The following SND1 variants were observed in gnomAD, a reference collection of about 807,000 sequenced individuals.
SND1 encodes staphylococcal nuclease domain-containing protein 1.
SND1 carries 38 observed loss-of-function variants against 121.7 expected under a neutral mutation model. The observed-to-expected ratio is 0.31, with a 90% CI of 0.24 to 0.41. The LOEUF is 0.41. Among genes scored for constraint, SND1 ranks in the 10% least tolerant of loss-of-function variants. SND1 has a pLI of 1.00. For synonymous variants in SND1, 401 were observed against 447.4 expected (o/e 0.90, Z 1.31); for missense variants, 868 against 1,184.6 (o/e 0.73, Z 3.92).
rs1186655293 is a variant in SND1 at position 127,929,268 on chromosome 7, T to G, written c.1608T>G (p.Ser536Arg). Residue 536 changes from serine to arginine, a missense_variant, in exon 15 of 24, where the codon AGT (serine) becomes AGG (arginine). Physicochemically the swap from Ser to Arg is moderately radical, Grantham distance 110 (BLOSUM62 -1). This residue lies in a region of SND1 where 743 missense variants were observed against 1,071.3 expected (regional missense o/e 0.69). Coordinates refer to ENST00000354725, the MANE Select transcript of SND1 (RefSeq NM_014390.4). ...AAGCTGTGGTGGAATACGTCTTCAG[T>G]GGTTCTCGTCTCAAACTCTATTTGC... ...RSEAVVEYVF[S>R]GSRLKLYLPK... The G allele has an allele frequency of 6.2e-7, 1 of 1,614,074 alleles. No homozygotes were observed. Among genetic ancestry groups the G allele is most frequent in the Admixed American group, 1.7e-5 (1 of 60,012 alleles).
At position 127,874,554 on chromosome 7, in the gene SND1, A is replaced by G. The variant is rs143173806; in HGVS notation, c.1344-13348A>G. Among the ~76,000 whole-genome samples the G allele has an allele frequency of 6.6e-5, 10 of 152,136 alleles. No individual in the cohort carries two copies. In the East Asian group the frequency reaches 1.7e-3, roughly 27 times the overall value. On this transcript the variant is annotated intron_variant, in intron 12 of 23. Coordinates refer to ENST00000354725, the MANE Select transcript of SND1 (RefSeq NM_014390.4). ...AGAGAAGCTGAGGGTGTTTTTTGAT[A>G]CTTCTATTCACACTCCCCATACTGA...
chr7:128,084,595 C>A, intron 18 of SND1, 129 bp from the exon 19 acceptor site: 2 of 969,522 alleles, frequency 2.1e-6, no homozygotes, highest in African/African-American at 1.7e-5. Context: ...GGGTTGGGGA[C>A]AGAGCCAGTG....
At position 127,994,549 on chromosome 7, in the gene SND1, C is replaced by CAAAAAAAAA. The variant is rs563548702; in HGVS notation, c.1779+3521_1779+3529dup. The stretch of plus-strand genomic sequence containing the variant: ...CTCTCAAATGACGATCACTTTTACT[C>CAAAAAAAAA]AAAAAAAAAAAAAAAAAAAAAAAAA... On this transcript the variant is annotated intron_variant, in intron 16 of 23. Transcript: ENST00000354725. Among the ~76,000 whole-genome samples, 19 of 46,236 alleles carry CAAAAAAAAA rather than the reference C, an allele frequency of 4.1e-4. 1 individual carries two copies. Among genetic ancestry groups the CAAAAAAAAA allele is most frequent in the Non-Finnish European group, 6.4e-4 (17 of 26,584 alleles). 30.3% of individuals were successfully genotyped at this position (46,236 alleles called of 152,430 possible).
At chr7:128,000,693 G>A (rs1217463426) in intron 16 of SND1, among the ~76,000 whole-genome samples, 1 of 152,080 alleles carries the variant, frequency 6.6e-6, no homozygotes, top group Non-Finnish European at 1.5e-5. Flanking sequence ...TGGTATGTTT[G>A]GAGTGTCTTC....
intron 16 of SND1, among the ~76,000 whole-genome samples, chr7:128,038,732 A>G (rs1282564658): frequency 2.0e-5 from 3 of 152,124 alleles, no homozygotes; most frequent in African/African-American, 7.2e-5. Flanking sequence ...CAGGTCAAAA[A>G]TAGTACTGAG....
At chr7:127,725,750 A>C (rs1260660235) in intron 10 of SND1, among the ~76,000 whole-genome samples, 1 of 152,150 alleles carries the variant, frequency 6.6e-6, no homozygotes, top group Non-Finnish European at 1.5e-5. Context: ...TTCCAAACCA[A>C]AGAACAAAGC....
chr7:127,977,404 G>T (rs1214080478), intron 15 of SND1, among the ~76,000 whole-genome samples: 1 of 152,154 alleles, frequency 6.6e-6, no homozygotes, highest in African/African-American at 2.4e-5. Flanking sequence ...GGTGTCAAAT[G>T]GGTAATGCAT....
intron 10 of SND1, among the ~76,000 whole-genome samples, chr7:127,796,423 C>A (rs1442894759): frequency 6.6e-6 from 1 of 152,010 alleles, no homozygotes; most frequent in Non-Finnish European, 1.5e-5. Flanking sequence ...CCATTATATT[C>A]CCTCAGTATT....
intron 1 of SND1, among the ~76,000 whole-genome samples, chr7:127,658,786 G>C (rs528969304): frequency 6.6e-6 from 1 of 152,370 alleles, no homozygotes; most frequent in South Asian, 2.1e-4. Context: ...CTATGCCCCA[G>C]TTTATTTGGA....
chr7:127,923,089 A>T (rs1456653598), intron 14 of SND1, among the ~76,000 whole-genome samples: 1 of 152,142 alleles, frequency 6.6e-6, no homozygotes, highest in Non-Finnish European at 1.5e-5. Context: ...CCTGGGCTGA[A>T]GCAATCCTCT....
intron 10 of SND1, among the ~76,000 whole-genome samples, chr7:127,797,548 T>G (rs1798049793): frequency 6.6e-6 from 1 of 152,170 alleles, no homozygotes; most frequent in Non-Finnish European, 1.5e-5. Context: ...TCAGAGCACT[T>G]CGGGGGTGGG....
chr7:128,021,513 G>C (rs540214174), intron 16 of SND1, among the ~76,000 whole-genome samples: 44 of 152,238 alleles, frequency 2.9e-4, no homozygotes, highest in Non-Finnish European at 5.7e-4. Flanking sequence ...CCAGGGTCTT[G>C]AAGACTGGGA....
chr7:127,994,681 T>C (rs571026329), intron 16 of SND1, among the ~76,000 whole-genome samples: 17 of 151,672 alleles, frequency 1.1e-4, no homozygotes, highest in African/African-American at 3.9e-4. Flanking sequence ...TAAAGTTTCA[T>C]TGAAACACAG....
In SND1 at chr7:127,703,193, G is replaced by T; in HGVS notation, c.710G>T (p.Gly237Val). ...CCAACTTTTCGACGGGAAGCAGATG[G>T]CAGTGAAACTCCAGAGCCTTTTGCT... Reference protein sequence around the residue: ...KCPTFRREADGSETPEPFAAE... With the variant: ...KCPTFRREADVSETPEPFAAE... The change falls in exon 7 of 24, where the codon GGC becomes GTC. Residue 237 changes from glycine (G) to valine (V), a missense_variant. By Grantham distance (109) the Gly-to-Val change is moderately radical. This residue lies in a region of SND1 where 743 missense variants were observed against 1,071.3 expected (regional missense o/e 0.69). Transcript: ENST00000354725. The T allele has an allele frequency of 1.2e-6, 2 of 1,614,116 alleles. No individual in the cohort carries two copies. The highest frequency in any genetic ancestry group is 1.7e-6 in the Non-Finnish European group (2 of 1,179,992).
intron 12 of SND1, among the ~76,000 whole-genome samples, chr7:127,873,054 T>A (rs1311738141): frequency 6.6e-6 from 1 of 152,190 alleles, no homozygotes; most frequent in Non-Finnish European, 1.5e-5. Flanking sequence ...ACTCATCTCT[T>A]ATATATTCCA....
intron 15 of SND1, among the ~76,000 whole-genome samples, chr7:127,980,646 C>T (rs1466922220): frequency 6.6e-6 from 1 of 152,106 alleles, no homozygotes; most frequent in Admixed American, 6.5e-5. Flanking sequence ...TGAGTGAAAG[C>T]TCAAAAAAGG....
chr7:127,784,365 G>A (rs1797775333), intron 10 of SND1, among the ~76,000 whole-genome samples: 2 of 152,148 alleles, frequency 1.3e-5, no homozygotes, highest in Admixed American at 6.5e-5. Context: ...ACCTCCTCCT[G>A]TTGTATTCCT....
Position 127,708,417 on chromosome 7 carries a change from G to GCCTTCCTCCCTC in SND1, c.1038+781_1038+782insCCCTTCCTCCCT, listed in dbSNP as rs1360099820. 5.2e-4 allele frequency among the ~76,000 whole-genome samples: 14 copies of GCCTTCCTCCCTC among 26,798 alleles called. No individual in the cohort carries two copies. In the East Asian group the frequency reaches 0.014, roughly 26 times the overall value. The allele number at this position is 26,798 out of a possible 152,430, so 17.6% of individuals were successfully genotyped here. ...TCCCTTCCTCCCTTCCTCCCTTCCT[G>GCCTTCCTCCCTC]CCTTCCTCCCTTCCTCCCTTCCTTC... On this transcript the variant is annotated intron_variant, in intron 9 of 23. Transcript: ENST00000354725.
intron 16 of SND1, among the ~76,000 whole-genome samples, chr7:128,043,695 T>A (rs966744828): frequency 6.6e-6 from 1 of 151,608 alleles, no homozygotes; most frequent in Non-Finnish European, 1.5e-5. Flanking sequence ...TAAAGAATGT[T>A]ACCTTGCAGC....
Sources: allele counts gnomAD v4.1 joint callset (sites outside exome capture counted in the v4.1 genomes callset), GRCh38; gene constraint gnomAD v4.1.1; regional missense constraint gnomAD v4.1.1; transcripts MANE v1.5; gene names NCBI Gene and HGNC (gene_info 2026-07-23, HGNC 2026-07-21).